Variants in COL18A1 observed in about 807,000 individuals in gnomAD.
COL18A1 encodes collagen alpha-1(XVIII) chain.
In COL18A1, 133 loss-of-function variants were observed where a neutral mutation model predicts 168.0. That is an observed-to-expected ratio of 0.79 (90% CI 0.69 to 0.91). The LOEUF is 0.91. Among genes scored for constraint, COL18A1 ranks in the 40% least tolerant of loss-of-function variants. The pLI is 0.00. For missense variants in COL18A1, 2,126 were observed against 1,925.4 expected (o/e 1.10, Z -1.95); for synonymous variants, 949 against 809.0 (o/e 1.17, Z -2.94).
At chr21:45,413,197 G>C (rs1294595433) in intron 2 of COL18A1, among the ~76,000 whole-genome samples, 1 of 152,246 alleles carries the variant, frequency 6.6e-6, no homozygotes, top group Non-Finnish European at 1.5e-5. Flanking sequence ...TTTGCAACGT[G>C]AGTAAAATGG....
chr21:45,413,040 G>A (rs890659952), intron 2 of COL18A1, among the ~76,000 whole-genome samples: 1 of 152,186 alleles, frequency 6.6e-6, no homozygotes, highest in Non-Finnish European at 1.5e-5. Flanking sequence ...CATACAGGAA[G>A]GATGGGACAT....
At chr21:45,492,060 G>A (rs1463826755) in intron 22 of COL18A1, among the ~76,000 whole-genome samples, 2 of 152,214 alleles carry the variant, frequency 1.3e-5, no homozygotes, top group African/African-American at 2.4e-5. Context: ...CCACCTAGGA[G>A]GTGGGACTCT....
chr21:45,511,312 G>T (rs924478800), intron 41 of COL18A1, 86 bp downstream of exon 41: 1 of 737,832 alleles, frequency 1.4e-6, no homozygotes. Context: ...GTTTCCCCCC[G>T]AGTTTTTGGA....
In COL18A1 at chr21:45,463,563, G is replaced by C. The variant is rs1052942502; in HGVS notation, c.107-4679G>C. On this transcript the variant is annotated intron_variant, in intron 2 of 41. Transcript: ENST00000651438. The surrounding 1 kb of genome is among the most constrained non-coding windows in gnomAD (Gnocchi z 4.0). Reference sequence around the variant, plus strand: ...CGCTTTCCATCTGCCATTTACCAGAGTACTCCAGAATCATTTTCAAACACG... The same window carrying C: ...CGCTTTCCATCTGCCATTTACCAGACTACTCCAGAATCATTTTCAAACACG... Among the ~76,000 whole-genome samples the C allele has an allele frequency of 3.3e-5, 5 of 152,184 alleles. No homozygotes were observed. Among genetic ancestry groups the C allele is most frequent in the African/African-American group, 1.2e-4 (5 of 41,432 alleles).
intron 29 of COL18A1, 87 bp from the exon 30 acceptor site, chr21:45,496,404 GTTTCTGATT>G (rs754124556): frequency 4.3e-4 from 334 of 784,228 alleles, no homozygotes; most frequent in Non-Finnish European, 6.5e-4. Flanking sequence ...GCCTGGTCAG[GTTTCTGATT>G]TTTCTGATTT....
rs114515445 is a variant in COL18A1, at chr21:45,468,915, G to T, written c.651+129G>T. On this transcript the variant is annotated intron_variant, in intron 3 of 41. Transcript: ENST00000651438. ...CCCCCACCCCAGCTGTGGTCAGCCCGGGCCTCCAGCGCAGGCCTCCTGGGT... is the reference window on the plus strand; with the variant it reads ...CCCCCACCCCAGCTGTGGTCAGCCCTGGCCTCCAGCGCAGGCCTCCTGGGT... 7,004 of 1,016,720 alleles carry T rather than the reference G, an allele frequency of 6.9e-3. 328 individuals carry two copies. The African/African-American group carries it at 0.099, about 14-fold the overall frequency. The allele number at this position is 1,016,720 out of a possible 1,614,324, so 63.0% of individuals were successfully genotyped here.
chr21:45,426,843 G>A (rs921718624), intron 2 of COL18A1, among the ~76,000 whole-genome samples: 25 of 152,196 alleles, frequency 1.6e-4, no homozygotes, highest in African/African-American at 6.0e-4. Context: ...GCCTTGGAGG[G>A]TACCCATGCT....
intron 2 of COL18A1, among the ~76,000 whole-genome samples, chr21:45,430,294 G>A (rs936593798): frequency 3.3e-5 from 5 of 152,234 alleles, no homozygotes; most frequent in African/African-American, 4.8e-5. Flanking sequence ...TCTCCTGAGC[G>A]TGTGGAACTC....
chr21:45,456,224 A>T (rs200930983), intron 2 of COL18A1: 14 of 1,605,598 alleles, frequency 8.7e-6, no homozygotes, highest in African/African-American at 1.3e-5. Flanking sequence ...TCCCTGGGGA[A>T]GCCTGCAGGA....
intron 3 of COL18A1, among the ~76,000 whole-genome samples, chr21:45,472,944 G>A (rs1447448002): frequency 1.3e-5 from 2 of 152,222 alleles, no homozygotes; most frequent in Admixed American, 1.3e-4. Flanking sequence ...CCCCACTCCT[G>A]AGCCACCTGC....
At chr21:45,447,027 G>A (rs1449471214) in intron 2 of COL18A1, among the ~76,000 whole-genome samples, 1 of 152,182 alleles carries the variant, frequency 6.6e-6, no homozygotes. Context: ...TGTGGTGGAG[G>A]AGCGAATGCT....
intron 38 of COL18A1, 42 bp downstream of exon 38, chr21:45,507,635 A>C: frequency 6.3e-7 from 1 of 1,588,518 alleles, no homozygotes; most frequent in South Asian, 1.1e-5. Context: ...GGTGGTCAGG[A>C]CATGAGGGGG....
chr21:45,493,940 T>C (rs752736847), intron 26 of COL18A1: 2 of 313,196 alleles, frequency 6.4e-6, no homozygotes, highest in Non-Finnish European at 1.2e-5. Flanking sequence ...CTCCAGCCTC[T>C]TCCTGGGGGC....
intron 2 of COL18A1, chr21:45,421,746 G>T: frequency 2.6e-6 from 1 of 389,036 alleles, no homozygotes; most frequent in East Asian, 6.7e-5. Flanking sequence ...CCACCTCCCA[G>T]GCAGTAGGCA....
chr21:45,426,286 G>T (rs2033797568), intron 2 of COL18A1, among the ~76,000 whole-genome samples: 1 of 152,138 alleles, frequency 6.6e-6, no homozygotes, highest in African/African-American at 2.4e-5. Context: ...TGTGTTTTTA[G>T]TAGAGATGGG....
intron 2 of COL18A1, among the ~76,000 whole-genome samples, chr21:45,419,551 T>A (rs973793860): frequency 1.3e-5 from 2 of 152,106 alleles, no homozygotes; most frequent in Non-Finnish European, 2.9e-5. Flanking sequence ...GCCTGGACTT[T>A]ATGTCCTGCC....
intron 2 of COL18A1, chr21:45,456,730 C>A: frequency 6.5e-7 from 1 of 1,534,094 alleles, no homozygotes; most frequent in Non-Finnish European, 8.7e-7. Context: ...GCGGCAGCGT[C>A]CCGCCGCCCG....
chr21:45,476,366 C>A lies in COL18A1; in HGVS notation c.814C>A (p.Pro272Thr), dbSNP rs764159488. The A allele has an allele frequency of 6.8e-6, 11 of 1,614,082 alleles. No homozygotes were observed. The highest frequency in any genetic ancestry group is 1.7e-5 in the Admixed American group (1 of 60,024). ...LREETGAALK[P>T]RLPAPPPVTT... ...CGTCCTCCAGGGCGCGGCCCTAAAA[C>A]CCAGGCTCCCCGCGCCACCCCCCGT... The change falls in exon 6 of 42, where the codon CCC (proline) becomes ACC (threonine). Residue 272 changes from proline to threonine, a missense_variant. Physicochemically the swap from Pro to Thr is conservative, Grantham distance 38. Transcript: ENST00000651438.
Position 45,492,472 on chromosome 21 carries a change from C to T in COL18A1, c.2158-63C>T, listed in dbSNP as rs1556329. The T allele has an allele frequency of 0.099, 157,913 of 1,588,576 alleles. 8,445 individuals carry two copies. Among genetic ancestry groups the T allele is most frequent in the East Asian group, 0.19 (8,508 of 44,698 alleles). On this transcript the variant is annotated intron_variant, in intron 22 of 41. Coordinates refer to ENST00000651438, the MANE Select transcript of COL18A1 (RefSeq NM_001379500.1). ...GTGTTTTGTTGATCTGTAAGTCGCTCGAGTCCAGTTGAATTTTAAACGCGG... is the reference window on the plus strand; with the variant it reads ...GTGTTTTGTTGATCTGTAAGTCGCTTGAGTCCAGTTGAATTTTAAACGCGG...
Sources: allele counts gnomAD v4.1 joint callset (sites outside exome capture counted in the v4.1 genomes callset), GRCh38; gene constraint gnomAD v4.1.1; non-coding constraint Gnocchi (gnomAD v3.1); transcripts MANE v1.5; gene names NCBI Gene and HGNC (gene_info 2026-07-23, HGNC 2026-07-21).